CDC42BPB: variants seen among roughly 807,000 people sequenced by gnomAD.
CDC42BPB encodes serine/threonine-protein kinase MRCK beta.
Under a neutral mutation model 214.9 loss-of-function variants are expected in CDC42BPB, and 37 were observed. The ratio of observed to expected loss-of-function variants is 0.17; its 90% CI spans 0.13 to 0.23. The LOEUF (loss-of-function observed/expected upper bound fraction) is 0.23, where lower values mean the gene tolerates loss of function less well. Ranked by LOEUF, CDC42BPB falls within the 10% of genes least tolerant of loss-of-function variation. CDC42BPB has a pLI of 1.00. For synonymous variants in CDC42BPB, 931 were observed against 884.0 expected (o/e 1.05, Z -0.94); for missense variants, 1,694 against 2,227.0 (o/e 0.76, Z 4.82).
chr14:103,053,218 G>A (rs994490368), intron 1 of CDC42BPB, among the ~76,000 whole-genome samples: 2 of 151,844 alleles, frequency 1.3e-5, no homozygotes, highest in Non-Finnish European at 2.9e-5. Flanking sequence ...CGTGGTGGCA[G>A]GCACCTATAA....
chr14:102,979,216 GTT>G (rs749681734), intron 8 of CDC42BPB, among the ~76,000 whole-genome samples: 5 of 138,298 alleles, frequency 3.6e-5, no homozygotes, highest in Admixed American at 7.3e-5. Context: ...AACTTTTCTT[GTT>G]TTTTTTTTTT....
chr14:103,035,219 G>A (rs562320001), intron 1 of CDC42BPB, among the ~76,000 whole-genome samples: 31 of 152,046 alleles, frequency 2.0e-4, no homozygotes, highest in Non-Finnish European at 3.7e-4. Flanking sequence ...CACCATGCCC[G>A]GCTAATTTTG....
intron 1 of CDC42BPB, among the ~76,000 whole-genome samples, chr14:103,022,651 T>A (rs1393068904): frequency 6.6e-6 from 1 of 152,166 alleles, no homozygotes. Flanking sequence ...CGTCAACTGA[T>A]CCAGCTGTTA....
At chr14:103,016,723 T>C (rs1886486233) in intron 1 of CDC42BPB, among the ~76,000 whole-genome samples, 1 of 152,130 alleles carries the variant, frequency 6.6e-6, no homozygotes, top group Admixed American at 6.5e-5. Context: ...AATTGGGTTA[T>C]TGGTATGAAC....
intron 1 of CDC42BPB, among the ~76,000 whole-genome samples, chr14:103,049,873 C>A (rs1006635473): frequency 6.6e-6 from 1 of 152,116 alleles, no homozygotes; most frequent in African/African-American, 2.4e-5. Context: ...GCCACCAGCC[C>A]GGCTAATTTT....
At chr14:102,974,281 TACACACACACACACAC>T (rs71119749) in intron 11 of CDC42BPB, 132 bp from the exon 12 acceptor site, 118 of 1,316,162 alleles carry the variant, frequency 9.0e-5, no homozygotes, top group South Asian at 5.3e-4. Context: ...TTTTTTTACT[TACACACACACACACAC>T]ACACACACAC....
chr14:102,959,728 G>C lies in CDC42BPB; in HGVS notation c.2822-18C>G. On this transcript the variant is annotated intron_variant, in intron 20 of 36. Transcript: ENST00000361246. ...TTTGAGCCCTGCAAAAAGAAACAAA[G>C]AATAGTCAAGGCAAAAAAACTAAAG... 1 of 1,583,266 alleles carries C rather than the reference G, an allele frequency of 6.3e-7. No individual in the cohort carries two copies. The highest frequency in any genetic ancestry group is 8.6e-7 in the Non-Finnish European group (1 of 1,164,166).
intron 13 of CDC42BPB, among the ~76,000 whole-genome samples, 169 bp downstream of exon 13, chr14:102,971,750 T>C (rs987503304): frequency 1.3e-4 from 20 of 152,216 alleles, no homozygotes; most frequent in Non-Finnish European, 4.4e-5. Flanking sequence ...ATTTCACCAA[T>C]ATTGAGGAAT....
Position 102,945,054 on chromosome 14 carries a change from C to T in CDC42BPB, c.3812-567G>A, listed in dbSNP as rs544861382. 488 of 328,686 alleles carry T rather than the reference C, an allele frequency of 1.5e-3. 10 individuals carry two copies. The Middle Eastern group carries it at 0.015, about 10-fold the overall frequency. 20.4% of individuals were successfully genotyped at this position (328,686 alleles called of 1,614,324 possible). On this transcript the variant is annotated intron_variant, in intron 29 of 36. Coordinates refer to ENST00000361246, the MANE Select transcript of CDC42BPB (RefSeq NM_006035.4). ...CAGGCTAACCCAAGCCCCTCGCTTG[C>T]TCAGATCTCCCCACAGAGCTGCCAG...
intron 14 of CDC42BPB, 38 bp downstream of exon 14, chr14:102,970,113 C>G (rs756340148): frequency 3.4e-6 from 5 of 1,490,748 alleles, no homozygotes; most frequent in Non-Finnish European, 4.7e-6. Flanking sequence ...GATAAGCATC[C>G]CTCTCAGTTA....
chr14:103,006,900 C>G (rs956665950), intron 3 of CDC42BPB, among the ~76,000 whole-genome samples: 2 of 152,126 alleles, frequency 1.3e-5, no homozygotes, highest in African/African-American at 4.8e-5. Flanking sequence ...AGGTAAATAC[C>G]AAACACCTGA....
intron 1 of CDC42BPB, among the ~76,000 whole-genome samples, chr14:103,038,037 A>G (rs1350398558): frequency 1.3e-5 from 2 of 148,990 alleles, no homozygotes; most frequent in Non-Finnish European, 3.0e-5. Flanking sequence ...TCAAAAAAAA[A>G]AAAGAATTTT....
chr14:102,949,564 G>A (rs1377842272), intron 26 of CDC42BPB, among the ~76,000 whole-genome samples: 2 of 152,134 alleles, frequency 1.3e-5, no homozygotes, highest in East Asian at 1.9e-4. Context: ...TCCTGCGCAC[G>A]CAGGCCCGTA....
intron 1 of CDC42BPB, among the ~76,000 whole-genome samples, chr14:103,050,635 T>C (rs1888546508): frequency 6.6e-6 from 1 of 152,094 alleles, no homozygotes; most frequent in Admixed American, 6.5e-5. Context: ...TGTATGCCTA[T>C]TGTCCCAGCT....
chr14:103,008,697 T>A (rs1885983307), intron 2 of CDC42BPB, 142 bp from the exon 3 acceptor site: 2 of 1,454,952 alleles, frequency 1.4e-6, no homozygotes, highest in Non-Finnish European at 1.8e-6. Flanking sequence ...CCACCTAGCA[T>A]GTGCCAGTTC....
intron 1 of CDC42BPB, among the ~76,000 whole-genome samples, chr14:103,014,438 T>A (rs1266647887): frequency 6.6e-6 from 1 of 152,118 alleles, no homozygotes; most frequent in East Asian, 1.9e-4. Context: ...ATCACTACAG[T>A]TTTATGAAAG....
chr14:103,041,397 G>A, intron 1 of CDC42BPB: 1 of 587,304 alleles, frequency 1.7e-6, no homozygotes, highest in Non-Finnish European at 2.9e-6. Flanking sequence ...TGGATTGTTA[G>A]ATATGACAGC....
Position 102,989,312 on chromosome 14 carries a change from T to C in CDC42BPB, c.597-2732A>G, listed in dbSNP as rs561927435. ...CATCCACTGCTGGTGGGAATACAAATTGGTAATGTCTATGGAGGGAAACTT... is the reference window on the plus strand; with the variant it reads ...CATCCACTGCTGGTGGGAATACAAACTGGTAATGTCTATGGAGGGAAACTT... On this transcript the variant is annotated intron_variant, in intron 5 of 36. Transcript: ENST00000361246. Among the ~76,000 whole-genome samples, 312 of 152,340 alleles carry C rather than the reference T, an allele frequency of 2.0e-3. 1 individual carries two copies. Among genetic ancestry groups the C allele is most frequent in the African/African-American group, 7.2e-3 (301 of 41,582 alleles).
At chr14:102,935,203 C>T (rs891827303) in intron 36 of CDC42BPB, among the ~76,000 whole-genome samples, 13 of 151,990 alleles carry the variant, frequency 8.6e-5, no homozygotes, top group South Asian at 4.2e-4. Context: ...TGATTATACA[C>T]GTAGAAAATC....
Sources: allele counts gnomAD v4.1 joint callset (sites outside exome capture counted in the v4.1 genomes callset), GRCh38; gene constraint gnomAD v4.1.1; transcripts MANE v1.5; gene names NCBI Gene and HGNC (gene_info 2026-07-23, HGNC 2026-07-21).